The following RBKS variants were observed in gnomAD, a reference collection of about 807,000 sequenced individuals.
RBKS encodes the protein ribokinase.
A neutral mutation model predicts 33.9 loss-of-function variants in RBKS; 33 were observed. That is an observed-to-expected ratio of 0.97 (90% confidence interval 0.74 to 1.30). The LOEUF (loss-of-function observed/expected upper bound fraction) is 1.30. Among genes scored for constraint, RBKS ranks in the 50% most tolerant of loss-of-function variants. RBKS has a pLI of 0.00. For missense variants in RBKS, 361 were observed against 392.6 expected, an observed-to-expected ratio of 0.92 and a Z score of 0.68; for synonymous variants, 125 against 143.0, an observed-to-expected ratio of 0.87 and a Z score of 0.90.
chr2:27,855,366 T>C (rs959970867), intron 2 of RBKS, among the ~76,000 whole-genome samples: 1 of 152,226 alleles, frequency 6.6e-6, no homozygotes, highest in African/African-American at 2.4e-5. Context: ...ACCTGGGTCA[T>C]TTGGGTTCAT....
At chr2:27,787,568 G>A (rs2148181161) in intron 7 of RBKS, among the ~76,000 whole-genome samples, 1 of 152,300 alleles carries the variant, frequency 6.6e-6, no homozygotes, top group Non-Finnish European at 1.5e-5. Context: ...CCTACACACT[G>A]TGTTGATAGG....
intron 1 of RBKS, among the ~76,000 whole-genome samples, chr2:27,863,031 C>G (rs1664020736): frequency 6.7e-6 from 1 of 150,356 alleles, no homozygotes; most frequent in Admixed American, 6.6e-5. Flanking sequence ...AACAGAGTGT[C>G]AAAGACAGAA....
At chr2:27,840,340 A>ACACACACACGCGCG (rs1663459359) in intron 5 of RBKS, among the ~76,000 whole-genome samples, 1 of 134,606 alleles carries the variant, frequency 7.4e-6, no homozygotes, top group South Asian at 2.3e-4. Context: ...ACACACACAC[A>ACACACACACGCGCG]CACACACACA....
At chr2:27,833,248 G>A (rs185095184) in intron 5 of RBKS, among the ~76,000 whole-genome samples, 31 of 152,278 alleles carry the variant, frequency 2.0e-4, no homozygotes, top group Admixed American at 1.7e-3. Context: ...GAATTCTCCC[G>A]GTGGGAACAG....
chr2:27,888,740 T>C (rs973061523), intron 1 of RBKS, among the ~76,000 whole-genome samples: 1 of 152,064 alleles, frequency 6.6e-6, no homozygotes, highest in Admixed American at 6.6e-5. Context: ...CAGGATGTTC[T>C]TGTAAGGCTT....
chr2:27,844,072 T>A (rs1367534552), intron 4 of RBKS, among the ~76,000 whole-genome samples: 1 of 151,914 alleles, frequency 6.6e-6, no homozygotes, highest in African/African-American at 2.4e-5. Context: ...ACCAGCCTGG[T>A]CAAATGGTGA....
chr2:27,801,649 G>A (rs1425212987), intron 7 of RBKS, among the ~76,000 whole-genome samples: 2 of 152,062 alleles, frequency 1.3e-5, no homozygotes, highest in Admixed American at 6.5e-5. Context: ...AGAAATACCT[G>A]AGGCTGGCTA....
chr2:27,861,547 C>T (rs955853869), intron 1 of RBKS: 8 of 470,886 alleles, frequency 1.7e-5, no homozygotes, highest in Admixed American at 2.4e-5. Context: ...GATGTATCTC[C>T]TACAAGGCAA....
chr2:27,838,650 T>C (rs1194124028), intron 5 of RBKS, among the ~76,000 whole-genome samples: 1 of 152,108 alleles, frequency 6.6e-6, no homozygotes, highest in Non-Finnish European at 1.5e-5. Flanking sequence ...TCCACCATGA[T>C]GAAAGAAACA....
At chr2:27,876,844 GA>G (rs1664324679) in intron 1 of RBKS, among the ~76,000 whole-genome samples, 1 of 152,030 alleles carries the variant, frequency 6.6e-6, no homozygotes, top group Admixed American at 6.5e-5. Context: ...TTGCAGGTCT[GA>G]AAAAAATTCT....
chr2:27,794,053 A>C (rs1047772067), intron 7 of RBKS, among the ~76,000 whole-genome samples: 1 of 152,078 alleles, frequency 6.6e-6, no homozygotes, highest in African/African-American at 2.4e-5. Flanking sequence ...TAATCCCAGC[A>C]CTTTGGGAGG....
rs1409029445 is a variant in RBKS, at chr2:27,781,801, GCA to G, written c.796-15_796-14del. 3.1e-6 allele frequency: 5 copies of G among 1,601,150 alleles called. No individual in the cohort carries two copies. The African/African-American group carries it at 6.7e-5, about 22-fold the overall frequency. On this transcript the variant is annotated splice_polypyrimidine_tract_variant and intron_variant, in intron 7 of 7. Transcript: ENST00000302188. ...TGTCACCAGCACCCTGTAATTGAAA[GCA>G]CAGTTTTGAAGATAAGCATGTAGTC...
chr2:27,828,168 C>G (rs2148202930), intron 6 of RBKS, among the ~76,000 whole-genome samples: 1 of 152,106 alleles, frequency 6.6e-6, no homozygotes, highest in South Asian at 2.1e-4. Context: ...TAAATACATA[C>G]AGGGAAGAGG....
At chr2:27,832,904 G>A (rs1678450580) in intron 5 of RBKS, 127 bp from the exon 6 acceptor site, 3 of 657,062 alleles carry the variant, frequency 4.6e-6, no homozygotes, top group Admixed American at 2.4e-5. Context: ...TATCCACTTA[G>A]TTACGGATGT....
chr2:27,821,741 T>C (rs1207721350), intron 7 of RBKS, among the ~76,000 whole-genome samples: 6 of 152,236 alleles, frequency 3.9e-5, no homozygotes, highest in African/African-American at 9.6e-5. Context: ...GCTGTGTCAA[T>C]AGAGTAAGTC....
At chr2:27,878,552 G>GGGAT (rs1335537385) in intron 1 of RBKS, among the ~76,000 whole-genome samples, 1 of 152,090 alleles carries the variant, frequency 6.6e-6, no homozygotes, top group African/African-American at 2.4e-5. Context: ...ACCCAGTAAT[G>GGGAT]GGATGGCTGG....
chr2:27,877,642 A>T (rs1350297728), intron 1 of RBKS, among the ~76,000 whole-genome samples: 2 of 151,974 alleles, frequency 1.3e-5, no homozygotes, highest in Non-Finnish European at 2.9e-5. Flanking sequence ...CTTTCCAAGG[A>T]CTCTACCTTC....
Position 27,847,084 on chromosome 2 carries a change from C to T in RBKS, c.307G>A (p.Asp103Asn). The change falls in exon 4 of 8, where the codon GAT becomes AAT. Residue 103 changes from aspartate (D) to asparagine (N), a missense_variant. By Grantham distance (23) the Asp-to-Asn change is conservative. Coordinates refer to ENST00000302188, the MANE Select transcript of RBKS (RefSeq NM_022128.3). ...ISTEFTYQTK[D>N]AATGTASIIV... ...ATAGAAGCAGTTCCTGTAGCAGCAT[C>T]TTTAGTCTGATATGTAAATTCTGAA... 6.2e-7 allele frequency: 1 copy of T among 1,604,232 alleles called. No individual in the cohort carries two copies. Among genetic ancestry groups the T allele is most frequent in the Non-Finnish European group, 8.5e-7 (1 of 1,171,582 alleles).
At chr2:27,812,765 G>A (rs1182588040) in intron 7 of RBKS, among the ~76,000 whole-genome samples, 1 of 152,116 alleles carries the variant, frequency 6.6e-6, no homozygotes, top group Admixed American at 6.5e-5. Context: ...TAAATGATGA[G>A]TTAATGGGTG....
Sources: gnomAD v4.1 joint callset for allele counts (sites outside exome capture counted in the v4.1 genomes callset) on GRCh38, gnomAD v4.1.1 for gene constraint, MANE v1.5 for transcripts, NCBI Gene and HGNC (gene_info 2026-07-23, HGNC 2026-07-21) for gene names.